The following CIP2A variants were observed in gnomAD, a reference collection of about 807,000 sequenced individuals.
CIP2A encodes cellular inhibitor of PP2A.
Under a neutral mutation model 110.9 loss-of-function variants are expected in CIP2A, and 103 were observed. That is an observed-to-expected ratio of 0.93 (90% CI 0.79 to 1.09). The LOEUF (loss-of-function observed/expected upper bound fraction) is 1.09. Ranked by LOEUF, CIP2A falls within the 50% of genes least tolerant of loss-of-function variation. CIP2A has a pLI of 0.00. For missense variants in CIP2A, 1,088 were observed against 1,038.4 expected (o/e 1.05, Z -0.66); for synonymous variants, 381 against 361.6 (o/e 1.05, Z -0.61).
At chr3:108,554,014 G>C (rs559347961) in intron 18 of CIP2A, among the ~76,000 whole-genome samples, 3 of 150,626 alleles carry the variant, frequency 2.0e-5, no homozygotes, top group Non-Finnish European at 4.4e-5. Context: ...TCCTGCCTCA[G>C]CCTTCTGGGT....
At chr3:108,574,269 T>C (rs1404928949) in intron 8 of CIP2A, among the ~76,000 whole-genome samples, 1 of 152,050 alleles carries the variant, frequency 6.6e-6, no homozygotes, top group Admixed American at 6.5e-5. Context: ...TTTTTATTAA[T>C]TAATAAAATA....
Position 108,552,267 on chromosome 3 carries a change from T to C in CIP2A, c.2514A>G (p.Arg838=), listed in dbSNP as rs748368423. Residue 838 remains arginine (R), a synonymous_variant, in exon 20 of 21, where the codon AGA becomes AGG. Transcript: ENST00000295746. ...TIDILRKELS[R]TEQIRKELSI... The stretch of plus-strand genomic sequence containing the variant: ...TCAACTCTTTTCTTATCTGTTCTGT[T>C]CTGCTTAATTCTTTTCTAAGGATAT... 1.3e-6 allele frequency: 2 copies of C among 1,578,390 alleles called. No homozygotes were observed. The highest frequency in any genetic ancestry group is 3.7e-5 in the Admixed American group (2 of 53,764).
At chr3:108,585,695 C>CTCT (rs1241112875) in intron 1 of CIP2A, 1 of 456,226 alleles carries the variant, frequency 2.2e-6, no homozygotes, top group African/African-American at 2.0e-5. Context: ...AAATGAAGCC[C>CTCT]AGAGGGTAGT....
chr3:108,565,231 A>G, intron 12 of CIP2A, 124 bp downstream of exon 12: 1 of 566,074 alleles, frequency 1.8e-6, no homozygotes, highest in South Asian at 2.6e-5. Flanking sequence ...ACAACTTTAA[A>G]CTTTCTTCTC....
In CIP2A at chr3:108,579,419, T is replaced by C; in HGVS notation, c.680A>G (p.His227Arg). 1 of 1,607,408 alleles carries C rather than the reference T, an allele frequency of 6.2e-7. No homozygotes were observed. The highest frequency in any genetic ancestry group is 8.5e-7 in the Non-Finnish European group (1 of 1,175,606). ...AAAAGTCTGATGAATGTTTCGAGCA[T>C]GGAATAGCTTAAGGACAAATTAGAA... Reference protein sequence around the residue: ...LNEEVGEKLFHARNIHQTFQL... With the variant: ...LNEEVGEKLFRARNIHQTFQL... Residue 227 changes from histidine (H) to arginine (R), a missense_variant, in exon 7 of 21, where the codon CAT becomes CGT. Coordinates refer to ENST00000295746, the MANE Select transcript of CIP2A (RefSeq NM_020890.3).
At chr3:108,559,589 C>T (rs1040127806) in intron 16 of CIP2A, among the ~76,000 whole-genome samples, 168 bp downstream of exon 16, 4 of 151,896 alleles carry the variant, frequency 2.6e-5, no homozygotes, top group African/African-American at 4.8e-5. Flanking sequence ...AATCAGGTAA[C>T]GATGTAACCA....
rs113970243 is a variant in CIP2A, at chr3:108,579,388, T to G, written c.711A>C (p.Leu237=). ...HARNIHQTFQ[L]IFNILINGDG... Reference sequence around the variant, plus strand: ...CACCGTTTATGAGAATATTAAATATTAGTTGAAAAGTCTGATGAATGTTTC... The same window carrying G: ...CACCGTTTATGAGAATATTAAATATGAGTTGAAAAGTCTGATGAATGTTTC... The change falls in exon 7 of 21, where the codon CTA becomes CTC. Residue 237 remains leucine (L), a synonymous_variant. Transcript: ENST00000295746. 2 of 1,607,858 alleles carry G rather than the reference T, an allele frequency of 1.2e-6. No individual in the cohort carries two copies. Among genetic ancestry groups the G allele is most frequent in the South Asian group, 2.2e-5 (2 of 90,628 alleles).
intron 11 of CIP2A, 89 bp downstream of exon 11, chr3:108,566,408 A>T (rs560110079): frequency 9.9e-7 from 1 of 1,005,136 alleles, no homozygotes; most frequent in South Asian, 1.6e-5. Flanking sequence ...AGTTATAACC[A>T]AAGGATGGTC....
chr3:108,559,954 A>G lies in CIP2A; in HGVS notation c.1902T>C (p.Ala634=). 1 of 1,593,996 alleles carries G rather than the reference A, an allele frequency of 6.3e-7. No homozygotes were observed. The highest frequency in any genetic ancestry group is 1.1e-5 in the South Asian group (1 of 90,088). ...ATTGTTAAAATAAGCTTATACTCAC[A>G]GCTAATGTGGATAGTTTCATTTCAT... The part of the protein sequence containing the change: ...DVYEMKLSTL[A]SKESRLQDLL... Residue 634 remains alanine (A), a splice_region_variant and synonymous_variant, in exon 15 of 21, where the codon GCT becomes GCC. Coordinates refer to ENST00000295746, the MANE Select transcript of CIP2A (RefSeq NM_020890.3).
chr3:108,585,336 A>AG, intron 1 of CIP2A, 124 bp from the exon 2 acceptor site: 1 of 848,306 alleles, frequency 1.2e-6, no homozygotes, highest in Non-Finnish European at 1.8e-6. Context: ...AAAAATTCAC[A>AG]CATGCTGTGA....
chr3:108,561,511 AT>A (rs1401767395), intron 13 of CIP2A, among the ~76,000 whole-genome samples: 5 of 152,050 alleles, frequency 3.3e-5, no homozygotes, highest in African/African-American at 9.7e-5. Context: ...CTATAAAAAA[AT>A]AAATTAATTA....
intron 7 of CIP2A, among the ~76,000 whole-genome samples, chr3:108,577,079 AG>A (rs1938681853): frequency 1.3e-5 from 2 of 152,216 alleles, no homozygotes. Flanking sequence ...AGTCTTCCAG[AG>A]GGAACACTCT....
intron 1 of CIP2A, among the ~76,000 whole-genome samples, chr3:108,586,301 A>C (rs1441279396): frequency 1.3e-5 from 2 of 152,200 alleles, no homozygotes; most frequent in Admixed American, 6.5e-5. Flanking sequence ...CAAATATGAA[A>C]GTGCAGATGC....
At chr3:108,586,557 A>G (rs983165343) in intron 1 of CIP2A, among the ~76,000 whole-genome samples, 3 of 152,208 alleles carry the variant, frequency 2.0e-5, no homozygotes, top group African/African-American at 7.2e-5. Flanking sequence ...ATTTATTTTA[A>G]TAATAACTAA....
chr3:108,565,657 T>C (rs952273200), intron 11 of CIP2A, among the ~76,000 whole-genome samples: 5 of 151,852 alleles, frequency 3.3e-5, no homozygotes, highest in African/African-American at 4.8e-5. Flanking sequence ...CTGGCATTAA[T>C]AGCCTTAGTT....
chr3:108,556,073 G>A (rs1937792929), intron 17 of CIP2A, among the ~76,000 whole-genome samples: 1 of 152,038 alleles, frequency 6.6e-6, no homozygotes, highest in Admixed American at 6.6e-5. Flanking sequence ...TCTCAACTTG[G>A]CTTATCACTA....
Position 108,565,424 on chromosome 3 carries a change from A to G in CIP2A, c.1446T>C (p.Thr482=), listed in dbSNP as rs773464462. The G allele has an allele frequency of 2.5e-6, 4 of 1,596,862 alleles. No homozygotes were observed. In the South Asian group the frequency reaches 4.6e-5, roughly 18 times the overall value. The change falls in exon 12 of 21, where the codon ACT becomes ACC. Residue 482 remains threonine (T), a synonymous_variant. Coordinates refer to ENST00000295746, the MANE Select transcript of CIP2A (RefSeq NM_020890.3). ...CKLAADVILK[T]LDLINKLKPL... ...GTTTAAGTTTGTTAATCAAATCAAG[A>G]GTTTTCAAAATTACATCAGCAGCAA... is the stretch of plus-strand genomic sequence containing the variant.
At chr3:108,568,840 T>C (rs1938276299) in intron 9 of CIP2A, among the ~76,000 whole-genome samples, 1 of 151,894 alleles carries the variant, frequency 6.6e-6, no homozygotes, top group South Asian at 2.1e-4. Context: ...CCCAGTTATG[T>C]GAAGGGAAAT....
intron 5 of CIP2A, 94 bp from the exon 6 acceptor site, chr3:108,579,782 T>G: frequency 1.7e-6 from 1 of 575,374 alleles, no homozygotes; most frequent in South Asian, 4.7e-5. Flanking sequence ...AAACTTTTAT[T>G]AAACATCATT....
Sources: allele counts gnomAD v4.1 joint callset (sites outside exome capture counted in the v4.1 genomes callset), GRCh38; gene constraint gnomAD v4.1.1; transcripts MANE v1.5; gene names NCBI Gene and HGNC (gene_info 2026-07-23, HGNC 2026-07-21).